TRPM3: variants seen among roughly 807,000 people sequenced by gnomAD.
The protein encoded by TRPM3 is transient receptor potential cation channel subfamily M member 3.
TRPM3 carries 77 observed loss-of-function variants against 181.2 expected under a neutral mutation model. The observed-to-expected ratio is 0.42, with a 90% CI of 0.35 to 0.51. TRPM3 has a LOEUF of 0.51. TRPM3 is among the 20% of genes least tolerant of loss of function. The pLI, the probability that TRPM3 is intolerant of heterozygous loss-of-function variation, is 0.01. For missense variants in TRPM3, 1,759 were observed against 2,196.7 expected (o/e 0.80, Z 3.98); for synonymous variants, 745 against 796.4 (o/e 0.94, Z 1.09).
At position 70,978,221 on chromosome 9, in the gene TRPM3, A is replaced by C. The variant is rs556619149; in HGVS notation, c.178-113710T>G. Among the ~76,000 whole-genome samples the C allele has an allele frequency of 4.6e-5, 7 of 152,348 alleles. No homozygotes were observed. In the South Asian group the frequency reaches 1.4e-3, roughly 32 times the overall value. ...CCAAATACGTATTTCTTATAATTACATCTAGCCACTGCTAGCTGTAGCGCA... is the reference window on the plus strand; with the variant it reads ...CCAAATACGTATTTCTTATAATTACCTCTAGCCACTGCTAGCTGTAGCGCA... On this transcript the variant is annotated intron_variant, in intron 1 of 25. Coordinates refer to ENST00000677713, the MANE Select transcript of TRPM3 (RefSeq NM_001366145.2).
intron 1 of TRPM3, among the ~76,000 whole-genome samples, chr9:71,117,246 A>G (rs1055858867): frequency 1.3e-5 from 2 of 152,274 alleles, no homozygotes; most frequent in African/African-American, 4.8e-5. Flanking sequence ...GCAACTATAC[A>G]ATACCTAAAT....
chr9:71,203,050 T>G (rs868162543), intron 1 of TRPM3, among the ~76,000 whole-genome samples: 1 of 152,212 alleles, frequency 6.6e-6, no homozygotes, highest in Non-Finnish European at 1.5e-5. Flanking sequence ...CAAAGCCAGG[T>G]TGCAAATGGA....
intron 9 of TRPM3, among the ~76,000 whole-genome samples, chr9:70,671,532 T>C (rs1426128526): frequency 1.2e-5 from 1 of 86,520 alleles, no homozygotes; most frequent in Non-Finnish European, 2.3e-5. Flanking sequence ...GTAACAGTGA[T>C]TATTATAATA....
In TRPM3 at chr9:70,784,142, T is replaced by A; in HGVS notation, c.1111A>T (p.Ile371Phe). Residue 371 changes from isoleucine to phenylalanine, a missense_variant, in exon 7 of 26, where the codon ATC becomes TTC. By Grantham distance (21) the Ile-to-Phe change is conservative (BLOSUM62 0). Coordinates refer to ENST00000677713, the MANE Select transcript of TRPM3 (RefSeq NM_001366145.2). ...GAGTATTTATGCCCAAAGGCCAGGATGTCCGATGCCCGTCCACTCCCATCA... is the reference window on the plus strand; with the variant it reads ...GAGTATTTATGCCCAAAGGCCAGGAAGTCCGATGCCCGTCCACTCCCATCA... ...VCDGSGRASD[I>F]LAFGHKYSEE... is the part of the protein sequence containing the mutation. The A allele has an allele frequency of 6.2e-7, 1 of 1,613,732 alleles. No homozygotes were observed. Among genetic ancestry groups the A allele is most frequent in the Non-Finnish European group, 8.5e-7 (1 of 1,179,778 alleles).
At chr9:71,122,496 C>T (rs900122259), upstream of TRPM3, among the ~76,000 whole-genome samples, 2 of 152,180 alleles carry the variant, frequency 1.3e-5, no homozygotes, top group Non-Finnish European at 2.9e-5. Context: ...GGGAGAATCC[C>T]CACATCCTTG....
chr9:70,595,586 A>C (rs2058867387), intron 21 of TRPM3, among the ~76,000 whole-genome samples: 1 of 152,188 alleles, frequency 6.6e-6, no homozygotes, highest in South Asian at 2.1e-4. Context: ...CTTTGCTTTC[A>C]TTGGGTCCAC....
At chr9:70,983,787 A>T (rs1466085982) in intron 1 of TRPM3, among the ~76,000 whole-genome samples, 1 of 152,108 alleles carries the variant, frequency 6.6e-6, no homozygotes, top group Admixed American at 6.5e-5. Context: ...GGGGGAAAAA[A>T]TAGAGATGCT....
intron 1 of TRPM3, among the ~76,000 whole-genome samples, chr9:71,026,212 C>G (rs542334941): frequency 6.6e-6 from 1 of 152,296 alleles, no homozygotes; most frequent in East Asian, 1.9e-4. Flanking sequence ...CCTAGGGGAT[C>G]TGTCAGTCCT....
rs1396808028 is a variant in TRPM3 at position 70,863,041 on chromosome 9, T to C, written c.329A>G (p.Lys110Arg). Residue 110 changes from lysine (K) to arginine (R), a missense_variant, in exon 3 of 26, where the codon AAA becomes AGA. Lys to Arg is a conservative substitution (Grantham distance 26). Transcript: ENST00000677713. Reference sequence around the variant, plus strand: ...ATTTCGGGAGAGGCGACTTTCATTTTTCTCATTCTGAAGCACGGAGATACT... The same window carrying C: ...ATTTCGGGAGAGGCGACTTTCATTTCTCTCATTCTGAAGCACGGAGATACT... ...TPSISVLQNE[K>R]NESRLSRNDI... 6.2e-7 allele frequency: 1 copy of C among 1,613,720 alleles called. No individual in the cohort carries two copies.
At chr9:71,294,133 AT>A (rs1565432435) in intron 1 of TRPM3, among the ~76,000 whole-genome samples, 1 of 152,044 alleles carries the variant, frequency 6.6e-6, no homozygotes, top group Non-Finnish European at 1.5e-5. Flanking sequence ...AAAGAAAACT[AT>A]TGATAAATTC....
chr9:71,354,595 T>A (rs1673462755), intron 1 of TRPM3, among the ~76,000 whole-genome samples: 1 of 152,260 alleles, frequency 6.6e-6, no homozygotes, highest in Admixed American at 6.5e-5. Context: ...TTTCAATTAA[T>A]CCTTAATTTT....
At chr9:70,772,032 A>G (rs1051676874) in intron 7 of TRPM3, among the ~76,000 whole-genome samples, 1 of 152,174 alleles carries the variant, frequency 6.6e-6, no homozygotes, top group Non-Finnish European at 1.5e-5. Flanking sequence ...GACTAAATAC[A>G]TAATGCTGAC....
At chr9:70,877,162 A>G (rs946438502) in intron 1 of TRPM3, among the ~76,000 whole-genome samples, 9 of 152,126 alleles carry the variant, frequency 5.9e-5, no homozygotes, top group Middle Eastern at 3.4e-3. Flanking sequence ...CAATCATTCA[A>G]TGATTTCATA....
intron 25 of TRPM3, among the ~76,000 whole-genome samples, chr9:70,548,232 T>TTTC (rs2045554036): frequency 6.6e-6 from 1 of 152,248 alleles, no homozygotes; most frequent in African/African-American, 2.4e-5. Flanking sequence ...AGACTTTTAG[T>TTTC]TTCTTCTTCT....
At chr9:71,307,931 T>C (rs2087522352) in intron 1 of TRPM3, among the ~76,000 whole-genome samples, 1 of 151,978 alleles carries the variant, frequency 6.6e-6, no homozygotes, top group Non-Finnish European at 1.5e-5. Context: ...TTACCTATAT[T>C]ACTGGAGCCT....
At chr9:71,277,523 A>C (rs2084314416) in intron 1 of TRPM3, among the ~76,000 whole-genome samples, 1 of 152,212 alleles carries the variant, frequency 6.6e-6, no homozygotes, top group Admixed American at 6.5e-5. Flanking sequence ...GTGACAAATC[A>C]AAGGAGTCTA....
chr9:71,376,129 G>T (rs2092659602), intron 1 of TRPM3, among the ~76,000 whole-genome samples: 2 of 151,878 alleles, frequency 1.3e-5, no homozygotes, highest in Admixed American at 6.6e-5. Flanking sequence ...TAATTTGGGT[G>T]GTGAGGAGGT....
intron 1 of TRPM3, among the ~76,000 whole-genome samples, chr9:70,890,601 T>G (rs1781576091): frequency 6.6e-6 from 1 of 151,820 alleles, no homozygotes; most frequent in Non-Finnish European, 1.5e-5. Context: ...ATTTCGTAAA[T>G]AAGATCAAGA....
At chr9:71,125,659 G>T (rs796413377), upstream of TRPM3, among the ~76,000 whole-genome samples, 11 of 152,232 alleles carry the variant, frequency 7.2e-5, no homozygotes, top group African/African-American at 2.4e-4. Flanking sequence ...ATGAACATAG[G>T]TGTACATTAT....
Sources: gnomAD v4.1 joint callset for allele counts (sites outside exome capture counted in the v4.1 genomes callset) on GRCh38, gnomAD v4.1.1 for gene constraint, MANE v1.5 for transcripts, NCBI Gene and HGNC (gene_info 2026-07-23, HGNC 2026-07-21) for gene names.